The following TMEM240 variants were observed in gnomAD, a reference collection of about 807,000 sequenced individuals.
TMEM240 encodes the protein transmembrane protein 240.
TMEM240 carries 3 observed loss-of-function variants against 19.5 expected under a neutral mutation model. The observed-to-expected ratio is 0.15, with a 90% CI of 0.07 to 0.40. The LOEUF is 0.40. TMEM240 is among the 10% of genes least tolerant of loss of function. The probability of loss-of-function intolerance (pLI) is 1.00; values close to 1 mark genes in which losing one functional copy is unlikely to be tolerated. For synonymous variants in TMEM240, 123 were observed against 109.3 expected (o/e 1.13, Z -0.78); for missense variants, 210 against 253.5 (o/e 0.83, Z 1.17).
chr1:1,535,200 G>C lies in TMEM240; in HGVS notation c.*159C>G. On this transcript the variant is annotated 3_prime_UTR_variant, in exon 4 of 4. Transcript: ENST00000378733. This position sits in a 1 kb window ranked among gnomAD's most constrained non-coding sequence, Gnocchi z 8.2. Reference sequence around the variant, plus strand: ...CCCAACCCCCTTTATAAAAAGAAGAGACAGCACCTTCCACTGGACTCTCCC... The same window carrying C: ...CCCAACCCCCTTTATAAAAAGAAGACACAGCACCTTCCACTGGACTCTCCC... 1 of 658,274 alleles carries C rather than the reference G, an allele frequency of 1.5e-6. No individual in the cohort carries two copies. The highest frequency in any genetic ancestry group is 2.4e-6 in the Non-Finnish European group (1 of 415,610). 40.8% of individuals were successfully genotyped at this position (658,274 alleles called of 1,614,324 possible). A position where few individuals can be genotyped will look rare whatever the true frequency, so the allele number is the denominator to read the frequency against.
rs1033235406 is a variant in TMEM240 at position 1,535,110 on chromosome 1, C to T, written c.*249G>A. 3.8e-5 allele frequency: 11 copies of T among 291,018 alleles called. No individual in the cohort carries two copies. Among genetic ancestry groups the T allele is most frequent in the South Asian group, 1.4e-4 (3 of 21,652 alleles). 18.0% of individuals were successfully genotyped at this position (291,018 alleles called of 1,614,324 possible). ...CCCCCAGCACCGCTGGGGATGAGTC[C>T]GCCCTTGTGTCCTGCCCCCCAACTG... On this transcript the variant is annotated 3_prime_UTR_variant, in exon 4 of 4. Transcript: ENST00000378733. The surrounding 1 kb of genome is among the most constrained non-coding windows in gnomAD (Gnocchi z 8.2).
At position 1,540,327 on chromosome 1, in the gene TMEM240, G is replaced by A; in HGVS notation, c.20C>T (p.Thr7Ile). 1 of 1,306,386 alleles carries A rather than the reference G, an allele frequency of 7.7e-7. No homozygotes were observed. The highest frequency in any genetic ancestry group is 9.8e-7 in the Non-Finnish European group (1 of 1,017,904). The allele number at this position is 1,306,386 out of a possible 1,614,324, so 80.9% of individuals were successfully genotyped here. A position where few individuals can be genotyped will look rare whatever the true frequency, so the allele number is the denominator to read the frequency against. The change falls in exon 1 of 4, where the codon ACC becomes ATC. Residue 7 changes from threonine to isoleucine, a missense_variant. By Grantham distance (89) the Thr-to-Ile change is moderately conservative (BLOSUM62 -1). This residue lies in a region of TMEM240 where 30 missense variants were observed against 27.7 expected (regional missense o/e 1.08). Transcript: ENST00000378733. ...CGCCCCCAGAATCATGAAGATCATG[G>A]TGTTCGCGCTCATGGACATCGGGCG... Reference protein sequence around the residue: MSMSANTMIFMILGASV... With the variant: MSMSANIMIFMILGASV...
Position 1,535,573 on chromosome 1 carries a change from G to A in TMEM240, c.373+16C>T, listed in dbSNP as rs1372460214. On this transcript the variant is annotated intron_variant, in intron 3 of 3. Coordinates refer to ENST00000378733, the MANE Select transcript of TMEM240 (RefSeq NM_001114748.2). The surrounding 1 kb of genome is among the most constrained non-coding windows in gnomAD (Gnocchi z 8.2). ...AGGGCGGCAGCACTCCCGGGCGGCG[G>A]GCACGAGGCACTCACCGTAGCGCCG... The A allele has an allele frequency of 1.9e-6, 3 of 1,545,938 alleles. No homozygotes were observed. Among genetic ancestry groups the A allele is most frequent in the South Asian group, 2.4e-5 (2 of 83,928 alleles).
At position 1,535,213 on chromosome 1, in the gene TMEM240, A is replaced by G; in HGVS notation, c.*146T>C. 1 of 788,608 alleles carries G rather than the reference A, an allele frequency of 1.3e-6. No homozygotes were observed. Among genetic ancestry groups the G allele is most frequent in the Non-Finnish European group, 1.9e-6 (1 of 538,244 alleles). The allele number at this position is 788,608 out of a possible 1,614,324, so 48.9% of individuals were successfully genotyped here. A position where few individuals can be genotyped will look rare whatever the true frequency, so the allele number is the denominator to read the frequency against. On this transcript the variant is annotated 3_prime_UTR_variant, in exon 4 of 4. Coordinates refer to ENST00000378733, the MANE Select transcript of TMEM240 (RefSeq NM_001114748.2). This position sits in a 1 kb window ranked among gnomAD's most constrained non-coding sequence, Gnocchi z 8.2. ...ATAAAAAGAAGAGACAGCACCTTCC[A>G]CTGGACTCTCCCGGCCGGCCACAGC...
Position 1,535,473 on chromosome 1 carries a change from G to T in TMEM240, c.408C>A (p.Ser136Arg), listed in dbSNP as rs1408186713. ...GSWTWLPKLC[S>R]LRELGRRPHR... ...GCGGCCGCCGGCCCAGCTCCCGCAG[G>T]CTGCACAGCTTGGGCAGCCAGGTCC... is the stretch of plus-strand genomic sequence containing the variant. Residue 136 changes from serine to arginine, a missense_variant, in exon 4 of 4, where the codon AGC (serine) becomes AGA (arginine). Around this residue, in one of 3 missense-constraint regions of TMEM240, gnomAD observed 157 missense variants for 168.2 expected, o/e 0.93. Transcript: ENST00000378733. This position sits in a 1 kb window ranked among gnomAD's most constrained non-coding sequence, Gnocchi z 8.2. 4 of 1,548,494 alleles carry T rather than the reference G, an allele frequency of 2.6e-6. No individual in the cohort carries two copies. Among genetic ancestry groups the T allele is most frequent in the Non-Finnish European group, 3.5e-6 (4 of 1,146,052 alleles).
rs747231450 is a variant in TMEM240 at position 1,535,805 on chromosome 1, C to T, written c.165-8G>A. ...ACGTAGTGGATATGGTGCCTGGGGGCGGCAGGGCGGGCTGGCACCTCTCCC... is the reference window on the plus strand; with the variant it reads ...ACGTAGTGGATATGGTGCCTGGGGGTGGCAGGGCGGGCTGGCACCTCTCCC... On this transcript the variant is annotated splice_polypyrimidine_tract_variant and splice_region_variant and intron_variant, in intron 2 of 3. Coordinates refer to ENST00000378733, the MANE Select transcript of TMEM240 (RefSeq NM_001114748.2). The surrounding 1 kb of genome is among the most constrained non-coding windows in gnomAD (Gnocchi z 8.2). The T allele has an allele frequency of 9.9e-5, 154 of 1,548,790 alleles. No individual in the cohort carries two copies. Among genetic ancestry groups the T allele is most frequent in the Admixed American group, 2.7e-4 (14 of 50,944 alleles).
intron 2 of TMEM240, among the ~76,000 whole-genome samples, chr1:1,537,177 C>T (rs1482775350): frequency 1.3e-5 from 2 of 152,060 alleles, no homozygotes; most frequent in East Asian, 3.9e-4. Flanking sequence ...CCCCACGCTC[C>T]CCTTGAAGCC....
intron 2 of TMEM240, among the ~76,000 whole-genome samples, chr1:1,538,248 C>G (rs979303898): frequency 6.6e-6 from 1 of 152,234 alleles, no homozygotes; most frequent in Non-Finnish European, 1.5e-5. Flanking sequence ...GAGATGTGAA[C>G]AGAGCATAGA....
rs1489648960 is a variant in TMEM240 at position 1,536,358 on chromosome 1, T to C, written c.165-561A>G. Among the ~76,000 whole-genome samples the C allele has an allele frequency of 6.6e-6, 1 of 152,096 alleles. No individual in the cohort carries two copies. Among genetic ancestry groups the C allele is most frequent in the Non-Finnish European group, 1.5e-5 (1 of 67,994 alleles). ...CCACTGCCCCTGGTGTTTCTTCTGC[T>C]CCTCTATCCCTGGGAGGTGCTGTCG... On this transcript the variant is annotated intron_variant, in intron 2 of 3. Coordinates refer to ENST00000378733, the MANE Select transcript of TMEM240 (RefSeq NM_001114748.2). The surrounding 1 kb of genome is among the most constrained non-coding windows in gnomAD (Gnocchi z 5.4).
At chr1:1,538,514 G>A (rs530404431) in intron 2 of TMEM240, among the ~76,000 whole-genome samples, 47 of 152,246 alleles carry the variant, frequency 3.1e-4, no homozygotes, top group Non-Finnish European at 2.5e-4. Flanking sequence ...TCTGGAGCTC[G>A]GGTCTGGGCC....
intron 2 of TMEM240, 119 bp downstream of exon 2, chr1:1,539,565 G>T: frequency 1.2e-6 from 1 of 843,592 alleles, no homozygotes; most frequent in Non-Finnish European, 1.9e-6. Context: ...GCACCTGGCA[G>T]CCCTCAAGGG....
rs1481553180 is a variant in TMEM240, at chr1:1,535,198, G to A, written c.*161C>T. 2.1e-6 allele frequency: 1 copy of A among 469,848 alleles called. No individual in the cohort carries two copies. Among genetic ancestry groups the A allele is most frequent in the Non-Finnish European group, 3.4e-6 (1 of 294,720 alleles). The allele number at this position is 469,848 out of a possible 1,614,324, so 29.1% of individuals were successfully genotyped here. ...ACCCCAACCCCCTTTATAAAAAGAAGAGACAGCACCTTCCACTGGACTCTC... is the reference window on the plus strand; with the variant it reads ...ACCCCAACCCCCTTTATAAAAAGAAAAGACAGCACCTTCCACTGGACTCTC... On this transcript the variant is annotated 3_prime_UTR_variant, in exon 4 of 4. Transcript: ENST00000378733. This position sits in a 1 kb window ranked among gnomAD's most constrained non-coding sequence, Gnocchi z 8.2.
chr1:1,535,241 C>G lies in TMEM240; in HGVS notation c.*118G>C. 1 of 1,251,972 alleles carries G rather than the reference C, an allele frequency of 8.0e-7. No individual in the cohort carries two copies. The highest frequency in any genetic ancestry group is 1.1e-6 in the Non-Finnish European group (1 of 919,000). 77.6% of individuals were successfully genotyped at this position (1,251,972 alleles called of 1,614,324 possible). ...GGACTCTCCCGGCCGGCCACAGCCC[C>G]GGACAACCTGGGCCCAGGGCTGCTG... On this transcript the variant is annotated 3_prime_UTR_variant, in exon 4 of 4. Coordinates refer to ENST00000378733, the MANE Select transcript of TMEM240 (RefSeq NM_001114748.2). The surrounding 1 kb of genome is among the most constrained non-coding windows in gnomAD (Gnocchi z 8.2).
In TMEM240 at chr1:1,536,717, A is replaced by G. The variant is rs1156754561; in HGVS notation, c.165-920T>C. On this transcript the variant is annotated intron_variant, in intron 2 of 3. Transcript: ENST00000378733. The surrounding 1 kb of genome is among the most constrained non-coding windows in gnomAD (Gnocchi z 5.4). ...TGCCGATCGGACTGGCATCCCAGAC[A>G]GTCAACTCTGGGATCCCTAGTCCAA... Among the ~76,000 whole-genome samples the G allele has an allele frequency of 1.3e-5, 2 of 152,174 alleles. No homozygotes were observed. The highest frequency in any genetic ancestry group is 1.5e-5 in the Non-Finnish European group (1 of 67,970).
intron 2 of TMEM240, 156 bp downstream of exon 2, chr1:1,539,528 C>T (rs560807770): frequency 1.5e-6 from 1 of 654,152 alleles, no homozygotes; most frequent in African/African-American, 1.8e-5. Flanking sequence ...AGACCCCCGC[C>T]CACCTTGAGA....
chr1:1,538,714 G>A (rs1297594516), intron 2 of TMEM240, among the ~76,000 whole-genome samples: 3 of 152,204 alleles, frequency 2.0e-5, no homozygotes, highest in Admixed American at 6.5e-5. Flanking sequence ...GTTCTTCATC[G>A]ACACGCCTGC....
Position 1,535,620 on chromosome 1 carries a change from G to A in TMEM240, c.342C>T (p.Ala114=), listed in dbSNP as rs532021282. Residue 114 remains alanine, a synonymous_variant, in exon 3 of 4, where the codon GCC becomes GCT. Transcript: ENST00000378733. This position sits in a 1 kb window ranked among gnomAD's most constrained non-coding sequence, Gnocchi z 8.2. ...GCCGTCCGGCTCTCCAGGCGCGCAC[G>A]GCGCAGTGCAGGACGCCGTCCATCC... ...LVWMDGVLHC[A]VRAWRAGRRY... 7.5e-5 allele frequency: 116 copies of A among 1,549,728 alleles called. No individual in the cohort carries two copies. The highest frequency in any genetic ancestry group is 1.9e-4 in the African/African-American group (14 of 73,140).
chr1:1,535,913 G>A lies in TMEM240; in HGVS notation c.165-116C>T, dbSNP rs970752813. The A allele has an allele frequency of 4.6e-6, 2 of 436,856 alleles. No individual in the cohort carries two copies. The highest frequency in any genetic ancestry group is 2.6e-5 in the Admixed American group (1 of 37,780). 27.1% of individuals were successfully genotyped at this position (436,856 alleles called of 1,614,324 possible). On this transcript the variant is annotated intron_variant, in intron 2 of 3. Transcript: ENST00000378733. This position sits in a 1 kb window ranked among gnomAD's most constrained non-coding sequence, Gnocchi z 8.2. The stretch of plus-strand genomic sequence containing the variant: ...CGTCAGGCCGCCCTGGGGGTTCTCT[G>A]AAGCAGCCTCTTGGGCGGGCGGGTC...
intron 1 of TMEM240, 139 bp from the exon 2 acceptor site, chr1:1,539,929 G>T (rs1368579882): frequency 1.6e-6 from 1 of 622,794 alleles, no homozygotes; most frequent in Non-Finnish European, 2.7e-6. Context: ...CGTAGGCCTT[G>T]GTAGGGGGAG....
Sources: gnomAD v4.1 joint callset for allele counts (sites outside exome capture counted in the v4.1 genomes callset) on GRCh38, gnomAD v4.1.1 for gene constraint, gnomAD v4.1.1 regional missense constraint, Gnocchi (gnomAD v3.1) non-coding constraint, MANE v1.5 for transcripts, NCBI Gene and HGNC (gene_info 2026-07-23, HGNC 2026-07-21) for gene names.